TBC1D5: variants seen among roughly 807,000 people sequenced by gnomAD.
TBC1D5 encodes TBC1 domain family member 5.
TBC1D5 carries 75 observed loss-of-function variants against 100.3 expected under a neutral mutation model. The observed-to-expected ratio is 0.75, with a 90% CI of 0.62 to 0.91. TBC1D5 has a LOEUF of 0.91. Ranked by LOEUF, TBC1D5 falls within the 40% of genes least tolerant of loss-of-function variation. TBC1D5 has a pLI of 0.00. For missense variants in TBC1D5, 910 were observed against 942.4 expected (o/e 0.97, Z 0.45); for synonymous variants, 323 against 325.6 (o/e 0.99, Z 0.09).
At chr3:17,472,727 TA>T (rs774269964) in intron 3 of TBC1D5, among the ~76,000 whole-genome samples, 48 of 152,190 alleles carry the variant, frequency 3.2e-4, no homozygotes, top group Admixed American at 5.9e-4. Flanking sequence ...AGGCACTCAA[TA>T]AACAGCTACT....
chr3:17,507,504 C>T (rs567699784), intron 3 of TBC1D5, among the ~76,000 whole-genome samples: 231 of 152,128 alleles, frequency 1.5e-3, no homozygotes, highest in Non-Finnish European at 2.8e-3. Context: ...AAGAAATAGC[C>T]ACTTTAGGTG....
intron 15 of TBC1D5, among the ~76,000 whole-genome samples, chr3:17,284,099 C>CACACACACACACACAT (rs1553651854): frequency 6.7e-6 from 1 of 150,086 alleles, no homozygotes; most frequent in African/African-American, 2.5e-5. Context: ...TACACACACA[C>CACACACACACACACAT]ACACACACAC....
At chr3:17,240,027 C>T (rs1360956691) in intron 16 of TBC1D5, among the ~76,000 whole-genome samples, 1 of 152,150 alleles carries the variant, frequency 6.6e-6, no homozygotes, top group Non-Finnish European at 1.5e-5. Context: ...ACTATAATTT[C>T]CTTCTCTCAG....
In TBC1D5 at chr3:17,579,504, T is replaced by C. The variant is rs532460225; in HGVS notation, c.-36+44345A>G. Among the ~76,000 whole-genome samples, 5 of 152,278 alleles carry C rather than the reference T, an allele frequency of 3.3e-5. No individual in the cohort carries two copies. In the East Asian group the frequency reaches 9.6e-4, roughly 29 times the overall value. On this transcript the variant is annotated intron_variant, in intron 2 of 21. Coordinates refer to ENST00000253692, the Ensembl canonical transcript of TBC1D5. The stretch of plus-strand genomic sequence containing the variant: ...AGGTGAAACTGTTGGTCAATTTCAC[T>C]GTTCATTAAGCCCTTGTAAAAATGA...
intron 19 of TBC1D5, among the ~76,000 whole-genome samples, chr3:17,169,905 TCTCACACAAGGAGC>T (rs370272982): frequency 9.2e-5 from 14 of 152,106 alleles, no homozygotes; most frequent in Middle Eastern, 3.4e-3. Flanking sequence ...GGCACTGGAG[TCTCACACAAGGAGC>T]GCACAACCTT....
intron 15 of TBC1D5, among the ~76,000 whole-genome samples, 190 bp from the exon 16 acceptor site, chr3:17,258,781 A>AT (rs1333061865): frequency 6.6e-6 from 1 of 152,072 alleles, no homozygotes; most frequent in Non-Finnish European, 1.5e-5. Flanking sequence ...AAAATTATTT[A>AT]TTTTTTCCTC....
intron 2 of TBC1D5, among the ~76,000 whole-genome samples, chr3:17,592,937 G>C (rs1263107460): frequency 6.6e-6 from 1 of 152,154 alleles, no homozygotes; most frequent in East Asian, 1.9e-4. Context: ...CATGCTACCT[G>C]AACTGCCTAT....
At chr3:17,473,334 T>C (rs2095402573) in intron 3 of TBC1D5, among the ~76,000 whole-genome samples, 2 of 152,220 alleles carry the variant, frequency 1.3e-5, no homozygotes, top group African/African-American at 2.4e-5. Context: ...AGCAATTTCA[T>C]GTCCCTAACA....
chr3:17,597,140 G>A (rs2060626296), intron 2 of TBC1D5, among the ~76,000 whole-genome samples: 1 of 152,074 alleles, frequency 6.6e-6, no homozygotes, highest in South Asian at 2.1e-4. Flanking sequence ...GTATTTCCTT[G>A]TATTCTTCTA....
At chr3:17,344,489 G>T (rs1373839137) in intron 13 of TBC1D5, among the ~76,000 whole-genome samples, 2 of 150,838 alleles carry the variant, frequency 1.3e-5, no homozygotes. Flanking sequence ...TGGCCATACT[G>T]CCCAAGGTAA....
chr3:17,164,616 G>C (rs887609961), intron 21 of TBC1D5, among the ~76,000 whole-genome samples: 1 of 152,146 alleles, frequency 6.6e-6, no homozygotes, highest in Admixed American at 6.5e-5. Context: ...GCCTGTCCAC[G>C]GCCCTCTGTA....
chr3:17,163,089 C>CTGAAG (rs1331990855), intron 21 of TBC1D5, among the ~76,000 whole-genome samples: 5 of 152,190 alleles, frequency 3.3e-5, no homozygotes, highest in Non-Finnish European at 5.9e-5. Context: ...CAGTGAGATT[C>CTGAAG]TGAAGTGGAG....
intron 14 of TBC1D5, among the ~76,000 whole-genome samples, chr3:17,306,691 T>C (rs2083435300): frequency 6.6e-6 from 1 of 152,186 alleles, no homozygotes; most frequent in African/African-American, 2.4e-5. Context: ...AAAATCATAA[T>C]ACTTTTCAGC....
chr3:17,268,633 ACT>A (rs1429463466), intron 15 of TBC1D5, among the ~76,000 whole-genome samples: 6 of 151,392 alleles, frequency 4.0e-5, no homozygotes, highest in African/African-American at 1.2e-4. Flanking sequence ...GGATAGGAAA[ACT>A]CTGTGAGTGT....
chr3:17,474,686 T>C (rs2095417616), intron 3 of TBC1D5, among the ~76,000 whole-genome samples: 2 of 152,152 alleles, frequency 1.3e-5, no homozygotes, highest in African/African-American at 2.4e-5. Flanking sequence ...TCTATTTTAA[T>C]GCATCATTGA....
At chr3:17,680,136 C>CT in intron 1 of TBC1D5, among the ~76,000 whole-genome samples, 1 of 151,526 alleles carries the variant, frequency 6.6e-6, no homozygotes, top group South Asian at 2.1e-4. Flanking sequence ...ATTTTATCCT[C>CT]ATCTAAATGT....
intron 3 of TBC1D5, among the ~76,000 whole-genome samples, chr3:17,435,126 A>G (rs2094512118): frequency 6.6e-6 from 1 of 152,054 alleles, no homozygotes; most frequent in South Asian, 2.1e-4. Context: ...CAAGTTCCAA[A>G]CTTTCCCACA....
intron 3 of TBC1D5, among the ~76,000 whole-genome samples, chr3:17,474,213 AAC>A (rs2095412323): frequency 6.6e-6 from 1 of 152,176 alleles, no homozygotes; most frequent in Non-Finnish European, 1.5e-5. Flanking sequence ...CAAAATTAGA[AAC>A]ACAAAATAGA....
chr3:17,344,363 T>A (rs972323964), intron 13 of TBC1D5, among the ~76,000 whole-genome samples: 1 of 152,166 alleles, frequency 6.6e-6, no homozygotes, highest in African/African-American at 2.4e-5. Flanking sequence ...TTACAAGGGA[T>A]GTGAAGGATC....
Sources: gnomAD v4.1 joint callset for allele counts (sites outside exome capture counted in the v4.1 genomes callset) on GRCh38, gnomAD v4.1.1 for gene constraint, MANE v1.5 for transcripts, NCBI Gene and HGNC (gene_info 2026-07-23, HGNC 2026-07-21) for gene names.